Variants in WASHC2A observed in about 807,000 individuals in gnomAD.
WASHC2A encodes WASH complex subunit 2A, also known as WASH complex subunit FAM21A.
Under a neutral mutation model 140.3 loss-of-function variants are expected in WASHC2A, and 82 were observed. The ratio of observed to expected loss-of-function variants is 0.58; its 90% CI spans 0.49 to 0.70. WASHC2A has a LOEUF of 0.70. Among genes scored for constraint, WASHC2A ranks in the 30% least tolerant of loss-of-function variants. The pLI is 0.00. For synonymous variants in WASHC2A, 340 were observed against 560.8 expected (o/e 0.61, Z 5.56); for missense variants, 985 against 1,521.8 (o/e 0.65, Z 5.87).
chr10:50,104,079 G>A lies in WASHC2A; in HGVS notation c.1673G>A (p.Gly558Asp). ...TCTCAAAGTGCGAGTAAGTTAAAAG[G>A]TGCGTCTCTGCTGCCTGGCAAGCTC... ...FSSQSASKLK[G>D]ASLLPGKLPT... is the part of the protein sequence containing the mutation. Residue 558 changes from glycine (G) to aspartate (D), a missense_variant, in exon 18 of 31, where the codon GGT becomes GAT. By Grantham distance (94) the Gly-to-Asp change is moderately conservative (BLOSUM62 -1). Coordinates refer to ENST00000282633, the MANE Select transcript of WASHC2A (RefSeq NM_001005751.3). 6.8e-7 allele frequency: 1 copy of A among 1,476,038 alleles called. No homozygotes were observed. Among genetic ancestry groups the A allele is most frequent in the East Asian group, 2.2e-5 (1 of 44,852 alleles). The allele number at this position is 1,476,038 out of a possible 1,614,324, so 91.4% of individuals were successfully genotyped here. A position where few individuals can be genotyped will look rare whatever the true frequency, so the allele number is the denominator to read the frequency against.
intron 17 of WASHC2A, among the ~76,000 whole-genome samples, chr10:50,101,991 G>A (rs1317450660): frequency 6.6e-6 from 1 of 151,538 alleles, no homozygotes; most frequent in Non-Finnish European, 1.5e-5. Flanking sequence ...TGCCTTCTTT[G>A]TTCCAGCCTT....
chr10:50,106,120 GC>G (rs1255871582), intron 18 of WASHC2A, among the ~76,000 whole-genome samples: 1 of 149,852 alleles, frequency 6.7e-6, no homozygotes, highest in African/African-American at 2.5e-5. Context: ...CAGCTGTTCT[GC>G]CTTCGAGTTC....
At chr10:50,113,099 C>A (rs1842417173) in intron 20 of WASHC2A, among the ~76,000 whole-genome samples, 1 of 152,084 alleles carries the variant, frequency 6.6e-6, no homozygotes, top group African/African-American at 2.4e-5. Context: ...CCAGGTGCAA[C>A]GGCTCATGCC....
rs1418222830 is a variant in WASHC2A at position 50,133,418 on chromosome 10, G to C, written c.*473G>C. On this transcript the variant is annotated 3_prime_UTR_variant, in exon 31 of 31. Transcript: ENST00000282633. Reference sequence around the variant, plus strand: ...CAGGTTTTCACTGAATTCTGAGGGTGCCTCTGCATGTCCTCCAAGGCAAAG... The same window carrying C: ...CAGGTTTTCACTGAATTCTGAGGGTCCCTCTGCATGTCCTCCAAGGCAAAG... The C allele has an allele frequency of 3.0e-5, 14 of 471,182 alleles. No homozygotes were observed. Among genetic ancestry groups the C allele is most frequent in the African/African-American group, 2.6e-4 (13 of 50,202 alleles). The allele number at this position is 471,182 out of a possible 1,614,324, so 29.2% of individuals were successfully genotyped here.
At chr10:50,113,191 G>A (rs1419943558) in intron 20 of WASHC2A, among the ~76,000 whole-genome samples, 7 of 151,140 alleles carry the variant, frequency 4.6e-5, no homozygotes, top group Non-Finnish European at 1.0e-4. Flanking sequence ...AACATAGAGC[G>A]ACCTCACCTC....
Position 50,129,467 on chromosome 10 carries a change from A to G in WASHC2A, c.3136A>G (p.Arg1046Gly). ...GKRRPQTRAA[R>G]RLAAQESSET... ...GCGTAGACCGCAGACCCGTGCAGCT[A>G]GGCGGCTGGCTGCTCAGGAGTCCAG... Residue 1046 changes from arginine to glycine, a missense_variant, in exon 29 of 31, where the codon AGG becomes GGG. Arg to Gly is a moderately radical substitution (Grantham distance 125). Coordinates refer to ENST00000282633, the MANE Select transcript of WASHC2A (RefSeq NM_001005751.3). 6.2e-7 allele frequency: 1 copy of G among 1,612,040 alleles called. No homozygotes were observed. The highest frequency in any genetic ancestry group is 8.5e-7 in the Non-Finnish European group (1 of 1,179,870).
chr10:50,103,409 A>C (rs1427283644), intron 17 of WASHC2A, among the ~76,000 whole-genome samples: 7 of 151,950 alleles, frequency 4.6e-5, no homozygotes, highest in Non-Finnish European at 1.0e-4. Context: ...AATACAAAAA[A>C]ATTAGCCAGG....
chr10:50,102,490 A>G (rs1208710147), intron 17 of WASHC2A, among the ~76,000 whole-genome samples: 4 of 152,162 alleles, frequency 2.6e-5, no homozygotes, highest in Non-Finnish European at 1.5e-5. Flanking sequence ...TTCTCTTGCC[A>G]TTGTGTAACA....
intron 27 of WASHC2A, 119 bp from the exon 28 acceptor site, chr10:50,127,464 C>A (rs1020165221): frequency 1.2e-6 from 2 of 1,608,516 alleles, no homozygotes; most frequent in African/African-American, 2.7e-5. Context: ...GATTTTCCTA[C>A]GTTTCTCTAC....
At chr10:50,068,291 G>T (rs1228403061) in intron 2 of WASHC2A, 64 bp downstream of exon 2, 246 of 1,456,232 alleles carry the variant, frequency 1.7e-4, no homozygotes, top group Non-Finnish European at 2.0e-4. Flanking sequence ...GCGCAGGAGG[G>T]CCGGACCGCG....
In WASHC2A at chr10:50,117,992, T is replaced by G. The variant is rs1554892466; in HGVS notation, c.2229T>G (p.Asp743Glu). Reference protein sequence around the residue: ...KEAQLGVKSVDKKVESAKESL... With the variant: ...KEAQLGVKSVEKKVESAKESL... ...CACAACTTGGAGTGAAGTCTGTGGA[T>G]AAGAAGGTTGAGAGTGCCAAGGAGT... The change falls in exon 22 of 31, where the codon GAT becomes GAG. Residue 743 changes from aspartate to glutamate, a missense_variant. Coordinates refer to ENST00000282633, the MANE Select transcript of WASHC2A (RefSeq NM_001005751.3). The G allele has an allele frequency of 6.3e-7, 1 of 1,595,504 alleles. No homozygotes were observed. Among genetic ancestry groups the G allele is most frequent in the African/African-American group, 1.4e-5 (1 of 73,544 alleles).
chr10:50,076,608 G>A (rs1202953317), intron 3 of WASHC2A, among the ~76,000 whole-genome samples: 14 of 152,088 alleles, frequency 9.2e-5, no homozygotes, highest in African/African-American at 2.7e-4. Flanking sequence ...ATAGAATCTG[G>A]GAATGACTAT....
At chr10:50,126,398 T>C in intron 26 of WASHC2A, 2 of 473,050 alleles carry the variant, frequency 4.2e-6, no homozygotes, top group South Asian at 7.0e-5. Context: ...AGTTAGTGTT[T>C]TTTGATGCCA....
intron 17 of WASHC2A, among the ~76,000 whole-genome samples, chr10:50,101,233 G>A (rs1184438460): frequency 2.0e-4 from 30 of 152,424 alleles, no homozygotes; most frequent in Admixed American, 5.9e-4. Flanking sequence ...GGCCTCCACC[G>A]TCTTATGCTC....
At chr10:50,125,319 T>G (rs1843341091) in intron 24 of WASHC2A, 50 bp from the exon 25 acceptor site, 6 of 1,594,940 alleles carry the variant, frequency 3.8e-6, no homozygotes, top group Non-Finnish European at 5.1e-6. Context: ...TAGTTCTCTT[T>G]GTAAATTGTT....
chr10:50,118,066 T>C lies in WASHC2A; in HGVS notation c.2295+8T>C. The C allele has an allele frequency of 6.2e-7, 1 of 1,607,950 alleles. No homozygotes were observed. The highest frequency in any genetic ancestry group is 1.1e-5 in the South Asian group (1 of 90,630). ...GTGGCTGAGTCAGAAAAGGTGGACTTTTTTCTCTTGTATACTTGAATGCAT... is the reference window on the plus strand; with the variant it reads ...GTGGCTGAGTCAGAAAAGGTGGACTCTTTTCTCTTGTATACTTGAATGCAT... On this transcript the variant is annotated splice_region_variant and intron_variant, in intron 22 of 30. Coordinates refer to ENST00000282633, the MANE Select transcript of WASHC2A (RefSeq NM_001005751.3).
At chr10:50,101,083 G>C in intron 17 of WASHC2A, among the ~76,000 whole-genome samples, 1 of 152,430 alleles carries the variant, frequency 6.6e-6, no homozygotes, top group East Asian at 1.9e-4. Flanking sequence ...GATGAACATG[G>C]AACCCTTTGG....
chr10:50,114,183 A>G (rs185248536), intron 21 of WASHC2A, among the ~76,000 whole-genome samples, 186 bp downstream of exon 21: 8,657 of 73,230 alleles, frequency 0.12, 2,868 homozygotes, highest in African/African-American at 0.23. Context: ...CACGTGCAAA[A>G]CCATCATTCA....
intron 13 of WASHC2A, among the ~76,000 whole-genome samples, 180 bp downstream of exon 13, chr10:50,094,097 A>G (rs1447493639): frequency 1.3e-5 from 2 of 152,084 alleles, no homozygotes; most frequent in African/African-American, 4.8e-5. Context: ...TGGAAAAAAC[A>G]GTACCATCTG....
Sources: gnomAD v4.1 joint callset for allele counts (sites outside exome capture counted in the v4.1 genomes callset) on GRCh38, gnomAD v4.1.1 for gene constraint, MANE v1.5 for transcripts, NCBI Gene and HGNC (gene_info 2026-07-23, HGNC 2026-07-21) for gene names.